Variants in NUDCD1 observed in about 807,000 individuals in gnomAD.
NUDCD1 encodes the protein NudC domain containing 1.
A neutral mutation model predicts 67.8 loss-of-function variants in NUDCD1; 60 were observed. The ratio of observed to expected loss-of-function variants is 0.88; its 90% confidence interval spans 0.72 to 1.10. The LOEUF (loss-of-function observed/expected upper bound fraction) is 1.10. Ranked by LOEUF, NUDCD1 falls within the 50% of genes least tolerant of loss-of-function variation. The pLI is 0.00. For synonymous variants in NUDCD1, 244 were observed against 230.8 expected, an observed-to-expected ratio of 1.06 and a Z score of -0.52; for missense variants, 643 against 695.0, an observed-to-expected ratio of 0.93 and a Z score of 0.84.
chr8:109,278,762 A>C (rs1814359277), intron 6 of NUDCD1, among the ~76,000 whole-genome samples: 1 of 152,248 alleles, frequency 6.6e-6, no homozygotes, highest in Non-Finnish European at 1.5e-5. Flanking sequence ...CCATTGTATG[A>C]ATATACCACA....
intron 2 of NUDCD1, among the ~76,000 whole-genome samples, chr8:109,316,824 C>G (rs968168723): frequency 6.6e-6 from 1 of 152,146 alleles, no homozygotes; most frequent in Non-Finnish European, 1.5e-5. Flanking sequence ...AATAATGAAT[C>G]AGAATTTTGG....
Position 109,243,263 on chromosome 8 carries a change from C to CA in NUDCD1, c.1497dup (p.Ala500CysfsTer13). On this transcript the variant is annotated frameshift_variant, in exon 10 of 10. Transcript: ENST00000239690. LOFTEE classifies it high-confidence loss of function. Reference sequence around the variant, plus strand: ...GCATACGAGTAATTTGGAGCACAGGCAAAAAATTTTTTGTCTCTCTTTGAT... The same window carrying CA: ...GCATACGAGTAATTTGGAGCACAGGCAAAAAAATTTTTTGTCTCTCTTTGAT... 1 of 1,598,442 alleles carries CA rather than the reference C, an allele frequency of 6.3e-7. No homozygotes were observed.
At chr8:109,249,431 T>C (rs1367059494) in intron 8 of NUDCD1, among the ~76,000 whole-genome samples, 1 of 152,172 alleles carries the variant, frequency 6.6e-6, no homozygotes, top group Non-Finnish European at 1.5e-5. Context: ...AATGTGTAAA[T>C]AGCTATAAAA....
At chr8:109,324,178 A>G (rs960234623) in intron 1 of NUDCD1, among the ~76,000 whole-genome samples, 1 of 151,864 alleles carries the variant, frequency 6.6e-6, no homozygotes, top group Non-Finnish European at 1.5e-5. Flanking sequence ...ATCGTAAGGA[A>G]TGAAAATTTT....
At chr8:109,304,166 T>G (rs1366675108) in intron 2 of NUDCD1, among the ~76,000 whole-genome samples, 3 of 152,104 alleles carry the variant, frequency 2.0e-5, no homozygotes, top group African/African-American at 7.2e-5. Flanking sequence ...TACACACAGC[T>G]GAAGTGCAGG....
At chr8:109,278,987 T>A (rs142663842) in intron 6 of NUDCD1, among the ~76,000 whole-genome samples, 10 of 152,158 alleles carry the variant, frequency 6.6e-5, no homozygotes, top group African/African-American at 1.9e-4. Context: ...GAGACCAGTC[T>A]GAGCAACATG....
intron 8 of NUDCD1, among the ~76,000 whole-genome samples, chr8:109,258,173 C>G (rs1813781953): frequency 6.6e-6 from 1 of 152,028 alleles, no homozygotes; most frequent in African/African-American, 2.4e-5. Flanking sequence ...ATTTCATATG[C>G]AGCCCATCTG....
rs752068318 is a variant in NUDCD1 at position 109,275,518 on chromosome 8, G to A, written c.1029-22C>T. 1.3e-5 allele frequency: 21 copies of A among 1,592,186 alleles called. No homozygotes were observed. The South Asian group carries it at 2.4e-4, about 18-fold the overall frequency. On this transcript the variant is annotated intron_variant, in intron 6 of 9. Transcript: ENST00000239690. Reference sequence around the variant, plus strand: ...CAAGCTAGAAGTTTAAATGGGAAAAGTAATGTTACATTAAGCAATTATACA... The same window carrying A: ...CAAGCTAGAAGTTTAAATGGGAAAAATAATGTTACATTAAGCAATTATACA...
At chr8:109,312,298 C>CCA (rs1491280133) in intron 2 of NUDCD1, among the ~76,000 whole-genome samples, 3 of 82,592 alleles carry the variant, frequency 3.6e-5, no homozygotes, top group African/African-American at 1.4e-4. Flanking sequence ...GAGACACTGT[C>CCA]AAAAAAAAAA....
intron 1 of NUDCD1, 124 bp downstream of exon 1, chr8:109,333,769 T>G (rs1586321287): frequency 1.9e-6 from 2 of 1,040,764 alleles, no homozygotes; most frequent in East Asian, 4.9e-5. Flanking sequence ...CCTCCGTGAG[T>G]CCACGCAAGC....
intron 5 of NUDCD1, among the ~76,000 whole-genome samples, chr8:109,288,271 T>A (rs749734894): frequency 2.7e-4 from 41 of 152,146 alleles, no homozygotes; most frequent in Middle Eastern, 3.2e-3. Flanking sequence ...TAGGCTTCAA[T>A]CTGTCTTGGA....
At chr8:109,313,878 T>C in intron 2 of NUDCD1, 1 of 917,498 alleles carries the variant, frequency 1.1e-6, no homozygotes. Flanking sequence ...ATGATTAAGA[T>C]ACTTGAGTAT....
At chr8:109,323,214 T>C (rs1215398579) in intron 1 of NUDCD1, among the ~76,000 whole-genome samples, 5 of 152,214 alleles carry the variant, frequency 3.3e-5, no homozygotes, top group African/African-American at 1.2e-4. Flanking sequence ...AAATGGATTA[T>C]GCTGGGCCAA....
intron 2 of NUDCD1, among the ~76,000 whole-genome samples, chr8:109,314,308 GAATA>G (rs758131213): frequency 3.3e-5 from 5 of 152,086 alleles, no homozygotes; most frequent in African/African-American, 7.2e-5. Flanking sequence ...TTGATGAACG[GAATA>G]CTTACTGAAT....
Position 109,242,037 on chromosome 8 carries a change from A to G in NUDCD1, c.*972T>C. On this transcript the variant is annotated 3_prime_UTR_variant, in exon 10 of 10. Transcript: ENST00000239690. ...TGTTGAAGTTGTTAGAAAAATAAAG[A>G]GAGCCACAAGGATAAATTATAATTT... 2.5e-6 allele frequency: 1 copy of G among 398,010 alleles called. No individual in the cohort carries two copies. The highest frequency in any genetic ancestry group is 4.4e-6 in the Non-Finnish European group (1 of 225,608). The allele number at this position is 398,010 out of a possible 1,614,324, so 24.7% of individuals were successfully genotyped here. A position where few individuals can be genotyped will look rare whatever the true frequency, so the allele number is the denominator to read the frequency against.
Position 109,296,381 on chromosome 8 carries a change from C to G in NUDCD1, c.459+3G>C. Reference sequence around the variant, plus strand: ...TTCGCATAAGTCTTAAACAAACCCTCACCTCCCATTTTTCAGAAGCGCTAT... The same window carrying G: ...TTCGCATAAGTCTTAAACAAACCCTGACCTCCCATTTTTCAGAAGCGCTAT... On this transcript the variant is annotated splice_donor_region_variant and intron_variant, in intron 3 of 9. Transcript: ENST00000239690. The G allele has an allele frequency of 6.2e-7, 1 of 1,611,896 alleles. No homozygotes were observed. Among genetic ancestry groups the G allele is most frequent in the East Asian group, 2.2e-5 (1 of 44,852 alleles).
rs1047345 is a variant in NUDCD1 at position 109,246,707 on chromosome 8, C to T, written c.1300-1226G>A. On this transcript the variant is annotated intron_variant, in intron 8 of 9. Coordinates refer to ENST00000239690, the MANE Select transcript of NUDCD1 (RefSeq NM_032869.4). ...AATGTTATTATCAGAGTTGAAAATA[C>T]GAAACAGAATACCAACAAAAATCAC... is the stretch of plus-strand genomic sequence containing the variant. Among the ~76,000 whole-genome samples, 7 of 151,926 alleles carry T rather than the reference C, an allele frequency of 4.6e-5. No individual in the cohort carries two copies. The South Asian group carries it at 8.3e-4, about 18-fold the overall frequency.
At chr8:109,292,543 G>A (rs1460589318) in intron 4 of NUDCD1, among the ~76,000 whole-genome samples, 1 of 152,052 alleles carries the variant, frequency 6.6e-6, no homozygotes, top group East Asian at 1.9e-4. Flanking sequence ...TTTCTACAGA[G>A]ATGAATGATA....
chr8:109,271,121 G>A lies in NUDCD1; in HGVS notation c.1183C>T (p.Pro395Ser). ...TTGCAAGGTGGTTTTTCTTTATCTG[G>A]ATTTGGATTCTTAGTCCAGAAAATA... ...HLTSEELNPN[P>S]DKEKPPCNAQ... is the part of the protein sequence containing the mutation. Residue 395 changes from proline (P) to serine (S), a missense_variant, in exon 8 of 10, where the codon CCA (proline) becomes TCA (serine). Transcript: ENST00000239690. 1 of 1,558,084 alleles carries A rather than the reference G, an allele frequency of 6.4e-7. No homozygotes were observed. Among genetic ancestry groups the A allele is most frequent in the Non-Finnish European group, 8.7e-7 (1 of 1,146,086 alleles).
Sources: gnomAD v4.1 joint callset for allele counts (sites outside exome capture counted in the v4.1 genomes callset) on GRCh38, gnomAD v4.1.1 for gene constraint, MANE v1.5 for transcripts, NCBI Gene and HGNC (gene_info 2026-07-23, HGNC 2026-07-21) for gene names.